Variants in MIGA1 observed in about 807,000 individuals in gnomAD.
The protein encoded by MIGA1 is mitoguardin 1.
MIGA1 carries 58 observed loss-of-function variants against 82.0 expected under a neutral mutation model. The observed-to-expected ratio is 0.71, with a 90% CI of 0.57 to 0.88. MIGA1 has a LOEUF of 0.88. MIGA1 is among the 40% of genes least tolerant of loss of function. MIGA1 has a pLI of 0.00. For synonymous variants in MIGA1, 249 were observed against 253.6 expected, an observed-to-expected ratio of 0.98 and a Z score of 0.17; for missense variants, 751 against 749.1, an observed-to-expected ratio of 1.00 and a Z score of -0.03.
chr1:77,843,518 T>C (rs1349186737), intron 8 of MIGA1, 111 bp downstream of exon 8: 4 of 741,584 alleles, frequency 5.4e-6, no homozygotes, highest in African/African-American at 1.7e-5. Flanking sequence ...GCACGTACCA[T>C]GTGGTAGGTG....
At chr1:77,851,436 C>G (rs1685046593) in intron 8 of MIGA1, among the ~76,000 whole-genome samples, 1 of 152,126 alleles carries the variant, frequency 6.6e-6, no homozygotes. Flanking sequence ...ACCGCTGCTT[C>G]TGAAATAACT....
chr1:77,785,714 G>A (rs1682129068), intron 2 of MIGA1, among the ~76,000 whole-genome samples: 1 of 152,222 alleles, frequency 6.6e-6, no homozygotes, highest in African/African-American at 2.4e-5. Context: ...TCATGCTGAT[G>A]CAAGAGGTGG....
At chr1:77,836,078 T>TG (rs1489873872) in intron 7 of MIGA1, among the ~76,000 whole-genome samples, 1 of 152,194 alleles carries the variant, frequency 6.6e-6, no homozygotes, top group Admixed American at 6.5e-5. Context: ...TTTCATGTCC[T>TG]GGGGACGGTC....
rs1166693963 is a variant in MIGA1 at position 77,779,727 on chromosome 1, G to A, written c.72G>A (p.Leu24=). 7 of 1,574,004 alleles carry A rather than the reference G, an allele frequency of 4.4e-6. No individual in the cohort carries two copies. Among genetic ancestry groups the A allele is most frequent in the African/African-American group, 2.7e-5 (2 of 74,088 alleles). ...TGGGCAGGCCAGCTGTACCTGGCCT[G>A]GAGCTCCAGGTACAGGGCCAGGGGC... The change falls in exon 1 of 16, where the codon CTG becomes CTA. Residue 24 remains leucine (L), a synonymous_variant. Transcript: ENST00000370791.
rs140854970 is a variant in MIGA1 at position 77,854,890 on chromosome 1, C to G, written c.997-4048C>G. Among the ~76,000 whole-genome samples, 940 of 152,262 alleles carry G rather than the reference C, an allele frequency of 6.2e-3. 13 individuals carry two copies. The highest frequency in any genetic ancestry group is 0.021 in the African/African-American group (872 of 41,552). ...TGGTCCTTTTGCCATGCAAAAAGCT[C>G]TTTCGTTTAATTAGGTCCTAGCTAT... On this transcript the variant is annotated intron_variant, in intron 8 of 15. Coordinates refer to ENST00000370791, the MANE Select transcript of MIGA1 (RefSeq NM_198549.4).
chr1:77,864,856 G>C (rs1186187795), intron 13 of MIGA1, among the ~76,000 whole-genome samples: 2 of 152,048 alleles, frequency 1.3e-5, no homozygotes, highest in Non-Finnish European at 2.9e-5. Context: ...GTTTGACATT[G>C]GTTTTTGTTG....
At chr1:77,867,516 T>C (rs890126771) in intron 14 of MIGA1, among the ~76,000 whole-genome samples, 1 of 152,132 alleles carries the variant, frequency 6.6e-6, no homozygotes, top group African/African-American at 2.4e-5. Context: ...TGTGTACAGA[T>C]GAGCTCTTGC....
At chr1:77,859,151 T>G in intron 9 of MIGA1, 95 bp downstream of exon 9, 3 of 1,009,748 alleles carry the variant, frequency 3.0e-6, no homozygotes, top group Non-Finnish European at 4.6e-6. Context: ...AAAATATGTT[T>G]TTAGGTCCAA....
chr1:77,819,306 T>TCCTTTTC (rs1683709211), intron 7 of MIGA1, among the ~76,000 whole-genome samples: 1 of 151,958 alleles, frequency 6.6e-6, no homozygotes, highest in South Asian at 2.1e-4. Flanking sequence ...TTTCCCTTTT[T>TCCTTTTC]CCTTTTCACT....
intron 3 of MIGA1, among the ~76,000 whole-genome samples, chr1:77,801,949 A>C (rs1682901882): frequency 6.6e-6 from 1 of 152,150 alleles, no homozygotes; most frequent in Non-Finnish European, 1.5e-5. Context: ...ATTTGTATGA[A>C]TGTACCCCAA....
At chr1:77,820,908 TG>T (rs1683780173) in intron 7 of MIGA1, among the ~76,000 whole-genome samples, 1 of 151,864 alleles carries the variant, frequency 6.6e-6, no homozygotes, top group Non-Finnish European at 1.5e-5. Flanking sequence ...CTGAGGCAGG[TG>T]GCTCACCTGA....
At chr1:77,794,405 G>C (rs573981366) in intron 2 of MIGA1, among the ~76,000 whole-genome samples, 1 of 152,102 alleles carries the variant, frequency 6.6e-6, no homozygotes, top group South Asian at 2.1e-4. Context: ...GTTTTCCTTG[G>C]TTTATATGAC....
At chr1:77,813,096 A>C (rs1023053533) in intron 5 of MIGA1, among the ~76,000 whole-genome samples, 1 of 151,868 alleles carries the variant, frequency 6.6e-6, no homozygotes. Context: ...ATTCTCCCGC[A>C]TCAGCCTCCT....
intron 8 of MIGA1, chr1:77,853,826 C>T: frequency 4.1e-6 from 1 of 241,142 alleles, no homozygotes; most frequent in South Asian, 6.1e-5. Context: ...TGGAGAGATT[C>T]AACCAGTTAG....
At chr1:77,869,144 C>CTT (rs1313057892) in intron 14 of MIGA1, among the ~76,000 whole-genome samples, 1 of 148,334 alleles carries the variant, frequency 6.7e-6, no homozygotes, top group Admixed American at 6.8e-5. Context: ...GGTGATGACT[C>CTT]TTAACGAGCA....
chr1:77,830,563 T>C (rs1470074247), intron 7 of MIGA1, among the ~76,000 whole-genome samples: 1 of 152,178 alleles, frequency 6.6e-6, no homozygotes, highest in East Asian at 1.9e-4. Context: ...CACCACATAT[T>C]CTTTCATCCC....
At chr1:77,820,330 G>A (rs1170864301) in intron 7 of MIGA1, among the ~76,000 whole-genome samples, 1 of 152,066 alleles carries the variant, frequency 6.6e-6, no homozygotes, top group Non-Finnish European at 1.5e-5. Context: ...TTACTCTGAC[G>A]GATTATCCTA....
intron 13 of MIGA1, among the ~76,000 whole-genome samples, chr1:77,865,806 T>G (rs1472795248): frequency 6.6e-6 from 1 of 151,636 alleles, no homozygotes; most frequent in Non-Finnish European, 1.5e-5. Context: ...TTTTTTTTTT[T>G]GCCCTTGCAA....
intron 3 of MIGA1, among the ~76,000 whole-genome samples, chr1:77,802,732 G>C (rs1358759865): frequency 6.6e-6 from 1 of 151,808 alleles, no homozygotes; most frequent in Non-Finnish European, 1.5e-5. Flanking sequence ...AGTGAGACAT[G>C]ATTGCACCAC....
Sources: allele counts gnomAD v4.1 joint callset (sites outside exome capture counted in the v4.1 genomes callset), GRCh38; gene constraint gnomAD v4.1.1; transcripts MANE v1.5; gene names NCBI Gene and HGNC (gene_info 2026-07-23, HGNC 2026-07-21).